The following TAF2 variants were observed in gnomAD, a reference collection of about 807,000 sequenced individuals.
TAF2 encodes TATA-box binding protein associated factor 2, also known as transcription initiation factor TFIID subunit 2.
Under a neutral mutation model 138.5 loss-of-function variants are expected in TAF2, and 61 were observed. That is an observed-to-expected ratio of 0.44 (90% CI 0.36 to 0.54). The LOEUF is 0.54. Among genes scored for constraint, TAF2 ranks in the 20% least tolerant of loss-of-function variants. The probability of loss-of-function intolerance (pLI) is 0.00; values close to 1 mark genes in which losing one functional copy is unlikely to be tolerated. For missense variants in TAF2, 1,090 were observed against 1,427.9 expected (o/e 0.76, Z 3.81); for synonymous variants, 475 against 469.9 (o/e 1.01, Z -0.14).
chr8:119,763,928 A>ATCATGAGGTCAGGAGTTTGAGACCACCC (rs1821244793), intron 18 of TAF2, among the ~76,000 whole-genome samples: 1 of 151,766 alleles, frequency 6.6e-6, no homozygotes, highest in Non-Finnish European at 1.5e-5. Context: ...AGGCTGGCAG[A>ATCATGAGGTCAGGAGTTTGAGACCACCC]TCATGAGGTC....
At chr8:119,765,378 C>T (rs528454406) in intron 18 of TAF2, among the ~76,000 whole-genome samples, 5 of 152,178 alleles carry the variant, frequency 3.3e-5, no homozygotes, top group South Asian at 4.1e-4. Context: ...ACAATGCATC[C>T]TATCAGGAGG....
intron 24 of TAF2, 107 bp downstream of exon 24, chr8:119,744,181 A>G: frequency 9.2e-7 from 1 of 1,092,416 alleles, no homozygotes; most frequent in Non-Finnish European, 1.4e-6. Flanking sequence ...AAGCTGGCTA[A>G]TTTTAAACTG....
At position 119,791,220 on chromosome 8, in the gene TAF2, C is replaced by G. The variant is rs370818143; in HGVS notation, c.1413+104G>C. On this transcript the variant is annotated intron_variant, in intron 11 of 25. Transcript: ENST00000378164. ...CAGGTTACTTAGTGGGCAAACAAAA[C>G]TATAAATCCAGATGTCCTGACTCCT... The G allele has an allele frequency of 1.8e-5, 25 of 1,403,690 alleles. No individual in the cohort carries two copies. In the African/African-American group the frequency reaches 2.9e-4, roughly 16 times the overall value. The allele number at this position is 1,403,690 out of a possible 1,614,324, so 87.0% of individuals were successfully genotyped here. A position where few individuals can be genotyped will look rare whatever the true frequency, so the allele number is the denominator to read the frequency against.
rs921696813 is a variant in TAF2, at chr8:119,760,397, C to G, written c.2698+202G>C. 8.8e-6 allele frequency: 5 copies of G among 567,798 alleles called. No homozygotes were observed. The South Asian group carries it at 1.2e-4, about 13-fold the overall frequency. The allele number at this position is 567,798 out of a possible 1,614,324, so 35.2% of individuals were successfully genotyped here. ...TGACTTCTTGGAAAGGCTAAAGATA[C>G]CTATAATTTTATTCCTTTCCCTCAT... is the stretch of plus-strand genomic sequence containing the variant. On this transcript the variant is annotated intron_variant, in intron 20 of 25. Coordinates refer to ENST00000378164, the MANE Select transcript of TAF2 (RefSeq NM_003184.4).
chr8:119,802,080 T>C (rs1824305736), intron 5 of TAF2, 55 bp from the exon 6 acceptor site: 4 of 1,378,942 alleles, frequency 2.9e-6, no homozygotes, highest in Non-Finnish European at 4.1e-6. Context: ...TCTACATTGT[T>C]TTCCCCACAT....
intron 25 of TAF2, among the ~76,000 whole-genome samples, chr8:119,735,425 A>C (rs1819162668): frequency 6.6e-6 from 1 of 152,202 alleles, no homozygotes; most frequent in African/African-American, 2.4e-5. Flanking sequence ...AGGAGAGAAG[A>C]ATAATGCACA....
intron 25 of TAF2, among the ~76,000 whole-genome samples, chr8:119,739,432 C>T (rs1472675094): frequency 6.6e-6 from 1 of 152,108 alleles, no homozygotes; most frequent in Non-Finnish European, 1.5e-5. Context: ...ATCCCAATGG[C>T]TTAATCTAAC....
rs1822823995 is a variant in TAF2 at position 119,783,606 on chromosome 8, C to T, written c.1887G>A (p.Arg629=). The change falls in exon 16 of 26, where the codon AGG becomes AGA. Residue 629 remains arginine (R), a synonymous_variant. Transcript: ENST00000378164. Reference sequence around the variant, plus strand: ...TCAATACTGACATATCTGGGTCTATCCTTATCCACAGCAAAGGGGAATCAG... The same window carrying T: ...TCAATACTGACATATCTGGGTCTATTCTTATCCACAGCAAAGGGGAATCAG... ...MDADSPLLWI[R]IDPDMSVLRK... The T allele has an allele frequency of 6.2e-7, 1 of 1,614,004 alleles. No individual in the cohort carries two copies. The highest frequency in any genetic ancestry group is 8.5e-7 in the Non-Finnish European group (1 of 1,180,014).
intron 18 of TAF2, among the ~76,000 whole-genome samples, chr8:119,776,265 A>G (rs761981646): frequency 6.6e-6 from 1 of 151,760 alleles, no homozygotes; most frequent in Non-Finnish European, 1.5e-5. Flanking sequence ...TTACGCTTAA[A>G]TTATTTGAAT....
chr8:119,809,798 T>C (rs987373571), intron 3 of TAF2, among the ~76,000 whole-genome samples: 2 of 152,164 alleles, frequency 1.3e-5, no homozygotes, highest in Non-Finnish European at 2.9e-5. Flanking sequence ...ATGCCATCTG[T>C]GGCGTCCCCA....
intron 18 of TAF2, among the ~76,000 whole-genome samples, chr8:119,771,522 C>T (rs1821836287): frequency 6.6e-6 from 1 of 152,026 alleles, no homozygotes; most frequent in African/African-American, 2.4e-5. Flanking sequence ...AGGAATAAGC[C>T]ACTGTGCCCG....
intron 2 of TAF2, among the ~76,000 whole-genome samples, chr8:119,820,831 C>CA: frequency 6.6e-6 from 1 of 152,156 alleles, no homozygotes; most frequent in South Asian, 2.1e-4. Context: ...ACACAGAGAA[C>CA]AAAAGAACAA....
chr8:119,820,984 AAAGAT>A (rs1320674126), intron 2 of TAF2, among the ~76,000 whole-genome samples: 1 of 151,806 alleles, frequency 6.6e-6, no homozygotes, highest in Non-Finnish European at 1.5e-5. Context: ...GGATCAGCTG[AAAGAT>A]AAGATTTAGA....
At chr8:119,821,001 C>A (rs374111084) in intron 2 of TAF2, among the ~76,000 whole-genome samples, 4 of 143,760 alleles carry the variant, frequency 2.8e-5, no homozygotes, top group African/African-American at 1.1e-4. Context: ...AGATTTAGAA[C>A]CAAGACAACT....
At chr8:119,750,075 G>A (rs551823974) in intron 22 of TAF2, among the ~76,000 whole-genome samples, 1 of 152,308 alleles carries the variant, frequency 6.6e-6, no homozygotes, top group Admixed American at 6.5e-5. Context: ...TTCATTTTCT[G>A]AGGTAACTGC....
chr8:119,761,976 G>A (rs1452458980), intron 19 of TAF2, among the ~76,000 whole-genome samples: 1 of 152,026 alleles, frequency 6.6e-6, no homozygotes, highest in Non-Finnish European at 1.5e-5. Flanking sequence ...GTTTATGTTT[G>A]AATCAACTTT....
At chr8:119,769,013 G>A (rs1261303515) in intron 18 of TAF2, among the ~76,000 whole-genome samples, 1 of 152,136 alleles carries the variant, frequency 6.6e-6, no homozygotes, top group Non-Finnish European at 1.5e-5. Flanking sequence ...TCTAAGACTT[G>A]GAGCTAGTGC....
chr8:119,788,641 T>C, intron 13 of TAF2, 149 bp downstream of exon 13: 1 of 787,598 alleles, frequency 1.3e-6, no homozygotes, highest in Non-Finnish European at 2.2e-6. Flanking sequence ...GTACTTCCTC[T>C]TCCCTTCTTT....
chr8:119,739,212 C>T (rs572950799), intron 25 of TAF2, among the ~76,000 whole-genome samples: 35 of 152,006 alleles, frequency 2.3e-4, no homozygotes, highest in Non-Finnish European at 4.7e-4. Context: ...GCAATCCCTA[C>T]AGTAACCTGG....
Sources: gnomAD v4.1 joint callset for allele counts (sites outside exome capture counted in the v4.1 genomes callset) on GRCh38, gnomAD v4.1.1 for gene constraint, MANE v1.5 for transcripts, NCBI Gene and HGNC (gene_info 2026-07-23, HGNC 2026-07-21) for gene names.